MKLN1: variants seen among roughly 807,000 people sequenced by gnomAD.
MKLN1 encodes the protein muskelin.
MKLN1 carries 18 observed loss-of-function variants against 99.0 expected under a neutral mutation model. The ratio of observed to expected loss-of-function variants is 0.18; its 90% CI spans 0.13 to 0.27. The LOEUF (loss-of-function observed/expected upper bound fraction) is 0.27. Ranked by LOEUF, MKLN1 falls within the 10% of genes least tolerant of loss-of-function variation. The probability of loss-of-function intolerance (pLI) is 1.00; values close to 1 mark genes in which losing one functional copy is unlikely to be tolerated. For missense variants in MKLN1, 621 were observed against 875.9 expected, an observed-to-expected ratio of 0.71 and a Z score of 3.67; for synonymous variants, 288 against 293.2, an observed-to-expected ratio of 0.98 and a Z score of 0.18.
chr7:131,188,321 A>G (rs899741822), intron 2 of MKLN1, among the ~76,000 whole-genome samples: 1 of 152,278 alleles, frequency 6.6e-6, no homozygotes, highest in Non-Finnish European at 1.5e-5. Context: ...TGCATGGCAT[A>G]TAACAGCTAC....
At chr7:131,181,582 A>C (rs1796377198) in intron 2 of MKLN1, among the ~76,000 whole-genome samples, 1 of 152,072 alleles carries the variant, frequency 6.6e-6, no homozygotes, top group Non-Finnish European at 1.5e-5. Context: ...GGTGGCGCAC[A>C]CATTTAGTCC....
intron 9 of MKLN1, among the ~76,000 whole-genome samples, chr7:131,436,138 A>G (rs897368620): frequency 2.0e-5 from 3 of 152,194 alleles, no homozygotes; most frequent in Non-Finnish European, 4.4e-5. Flanking sequence ...ATATTTTAAA[A>G]TAAGTTTGAA....
At chr7:131,211,087 T>C (rs1216855443) in intron 3 of MKLN1, among the ~76,000 whole-genome samples, 1 of 152,058 alleles carries the variant, frequency 6.6e-6, no homozygotes, top group East Asian at 1.9e-4. Context: ...CCTCTCCTGA[T>C]ATATAACAAA....
chr7:131,226,733 G>T (rs1797153003), intron 3 of MKLN1, among the ~76,000 whole-genome samples: 1 of 152,166 alleles, frequency 6.6e-6, no homozygotes, highest in Non-Finnish European at 1.5e-5. Flanking sequence ...AAGGAAAAGG[G>T]CAGGCTGGAT....
intron 8 of MKLN1, among the ~76,000 whole-genome samples, chr7:131,415,382 T>C (rs1697237384): frequency 6.6e-6 from 1 of 152,168 alleles, no homozygotes; most frequent in Admixed American, 6.5e-5. Flanking sequence ...CTGTGTGTTA[T>C]GCCAACTCAT....
chr7:131,414,115 C>A (rs771525646), intron 7 of MKLN1, among the ~76,000 whole-genome samples: 1 of 151,988 alleles, frequency 6.6e-6, no homozygotes, highest in Non-Finnish European at 1.5e-5. Context: ...AAAATAATTA[C>A]ACAAAGTACA....
chr7:131,282,927 G>A (rs1394630837), intron 3 of MKLN1, among the ~76,000 whole-genome samples: 1 of 152,082 alleles, frequency 6.6e-6, no homozygotes, highest in Non-Finnish European at 1.5e-5. Context: ...ATTTCCACAC[G>A]TGGACCAATC....
At chr7:131,355,628 C>CCATATATA (rs780680120) in intron 1 of MKLN1, among the ~76,000 whole-genome samples, 7 of 136,906 alleles carry the variant, frequency 5.1e-5, no homozygotes, top group African/African-American at 2.0e-4. Flanking sequence ...TAACTTGATA[C>CCATATATA]TATATATATA....
intron 8 of MKLN1, among the ~76,000 whole-genome samples, chr7:131,420,513 C>A (rs1352353938): frequency 1.3e-5 from 2 of 152,078 alleles, no homozygotes; most frequent in Non-Finnish European, 2.9e-5. Flanking sequence ...TGTTCAGCAA[C>A]TTGATTTTAG....
chr7:131,389,740 T>A (rs558578128), intron 4 of MKLN1, among the ~76,000 whole-genome samples: 1 of 151,714 alleles, frequency 6.6e-6, no homozygotes, highest in Admixed American at 6.6e-5. Flanking sequence ...AAAAAAAAAT[T>A]TAGCTGGGCG....
At chr7:131,318,712 CAAAGA>C (rs1171293139) in intron 3 of MKLN1, among the ~76,000 whole-genome samples, 1 of 151,102 alleles carries the variant, frequency 6.6e-6, no homozygotes, top group Non-Finnish European at 1.5e-5. Context: ...GCTAGACTAA[CAAAGA>C]AGAGACAAGA....
Position 131,281,369 on chromosome 7 carries a change from T to C in MKLN1, c.-179+78395T>C, listed in dbSNP as rs115989230. Among the ~76,000 whole-genome samples the C allele has an allele frequency of 6.1e-3, 934 of 152,302 alleles. 13 individuals are homozygous for C. The highest frequency in any genetic ancestry group is 0.022 in the African/African-American group (901 of 41,554). ...TACCAATGTGAGGGTTTATTTTTAGTCTCTCAAGTCTATTCCATTCATCTA... is the reference window on the plus strand; with the variant it reads ...TACCAATGTGAGGGTTTATTTTTAGCCTCTCAAGTCTATTCCATTCATCTA... On this transcript the variant is annotated intron_variant, in intron 3 of 7. Transcript: ENST00000416992.
chr7:131,246,525 G>A (rs10254193), intron 3 of MKLN1, among the ~76,000 whole-genome samples: 10,523 of 152,018 alleles, frequency 0.069, 434 homozygotes, highest in Middle Eastern at 0.096. Flanking sequence ...TGATTTGTTC[G>A]TTCATGTCCT....
At chr7:131,260,003 T>C (rs988612816) in intron 3 of MKLN1, among the ~76,000 whole-genome samples, 3 of 151,926 alleles carry the variant, frequency 2.0e-5, no homozygotes, top group African/African-American at 7.3e-5. Flanking sequence ...ATAAATAACC[T>C]CAGCAAAGTT....
chr7:131,366,132 C>G (rs1800174630), intron 1 of MKLN1, among the ~76,000 whole-genome samples: 1 of 152,148 alleles, frequency 6.6e-6, no homozygotes, highest in Non-Finnish European at 1.5e-5. Context: ...TCCCTTTATA[C>G]TGCAGATAAA....
chr7:131,179,512 C>T (rs1432238672), intron 2 of MKLN1, among the ~76,000 whole-genome samples: 1 of 152,036 alleles, frequency 6.6e-6, no homozygotes, highest in Non-Finnish European at 1.5e-5. Flanking sequence ...CTGTAATACG[C>T]TTTGTGGCTT....
chr7:131,272,004 A>T (rs573287890), intron 3 of MKLN1, among the ~76,000 whole-genome samples: 1 of 151,822 alleles, frequency 6.6e-6, no homozygotes, highest in South Asian at 2.1e-4. Flanking sequence ...GTACATCTCC[A>T]TGGGGGCAGG....
intron 3 of MKLN1, among the ~76,000 whole-genome samples, chr7:131,298,525 C>T (rs1425229260): frequency 6.6e-6 from 1 of 152,162 alleles, no homozygotes; most frequent in Non-Finnish European, 1.5e-5. Context: ...ACAGCTGTAT[C>T]TTGGGAAGAG....
At chr7:131,404,250 G>A (rs1794635013) in intron 6 of MKLN1, among the ~76,000 whole-genome samples, 1 of 152,204 alleles carries the variant, frequency 6.6e-6, no homozygotes, top group South Asian at 2.1e-4. Flanking sequence ...ATCTAAAAGT[G>A]TTTGTGTAGA....
Sources: gnomAD v4.1 joint callset for allele counts (sites outside exome capture counted in the v4.1 genomes callset) on GRCh38, gnomAD v4.1.1 for gene constraint, MANE v1.5 for transcripts, NCBI Gene and HGNC (gene_info 2026-07-23, HGNC 2026-07-21) for gene names.